The following OTUD7A variants were observed in gnomAD, a reference collection of about 807,000 sequenced individuals.
The protein encoded by OTUD7A is OTU domain-containing protein 7A.
A neutral mutation model predicts 65.7 loss-of-function variants in OTUD7A; 12 were observed. The observed-to-expected ratio is 0.18, with a 90% CI of 0.12 to 0.30. The LOEUF is 0.30. Ranked by LOEUF, OTUD7A falls within the 10% of genes least tolerant of loss-of-function variation. The pLI is 1.00. For missense variants in OTUD7A, 1,148 were observed against 1,304.8 expected, an observed-to-expected ratio of 0.88 and a Z score of 1.85; for synonymous variants, 641 against 586.3, an observed-to-expected ratio of 1.09 and a Z score of -1.35.
intron 3 of OTUD7A, among the ~76,000 whole-genome samples, chr15:31,597,217 T>C (rs1291299653): frequency 3.9e-5 from 6 of 152,190 alleles, no homozygotes; most frequent in Admixed American, 2.0e-4. Context: ...TGTGAGCCAC[T>C]GTACCCAGCC....
In OTUD7A at chr15:31,484,149, G is replaced by A. The variant is rs2041193199; in HGVS notation, c.1947C>T (p.Leu649=). ...ERKFIFAGLL[L]TSHRHQFHEE... ...CGTGGAACTGGTGCCGGTGGCTGGT[G>A]AGCAGCAGGCCGGCGAAGATGAACT... Residue 649 remains leucine, a synonymous_variant, in exon 13 of 13, where the codon CTC becomes CTT. Coordinates refer to ENST00000307050, the MANE Select transcript of OTUD7A (RefSeq NM_001382637.1). The surrounding 1 kb of genome is among the most constrained non-coding windows in gnomAD (Gnocchi z 4.5). The A allele has an allele frequency of 1.9e-6, 3 of 1,610,260 alleles. No homozygotes were observed. Among genetic ancestry groups the A allele is most frequent in the African/African-American group, 1.3e-5 (1 of 74,988 alleles).
chr15:31,844,626 C>T (rs932327711), intron 1 of OTUD7A, among the ~76,000 whole-genome samples: 2 of 152,264 alleles, frequency 1.3e-5, no homozygotes, highest in Non-Finnish European at 2.9e-5. Context: ...TCTCCTGGTT[C>T]CTCATATACA....
intron 5 of OTUD7A, among the ~76,000 whole-genome samples, chr15:31,542,581 T>C (rs761454009): frequency 3.9e-5 from 6 of 151,946 alleles, no homozygotes; most frequent in Non-Finnish European, 8.8e-5. Flanking sequence ...TCAGGCAATA[T>C]TGAATACTGA....
chr15:31,620,999 T>C (rs1423666894), intron 3 of OTUD7A, among the ~76,000 whole-genome samples: 1 of 146,942 alleles, frequency 6.8e-6, no homozygotes, highest in Non-Finnish European at 1.5e-5. Flanking sequence ...AGAACATCTT[T>C]ATTTCTGCCT....
chr15:31,754,571 A>G (rs1894756094), intron 1 of OTUD7A, among the ~76,000 whole-genome samples: 1 of 152,154 alleles, frequency 6.6e-6, no homozygotes, highest in South Asian at 2.1e-4. Context: ...TCATTCTCCT[A>G]CATGTGGCCA....
chr15:31,819,307 T>C (rs1254578903), intron 1 of OTUD7A, among the ~76,000 whole-genome samples: 2 of 152,140 alleles, frequency 1.3e-5, no homozygotes, highest in African/African-American at 4.8e-5. Context: ...TATGACACTT[T>C]TGGGGAAGCC....
At chr15:31,663,246 A>AACACACACAC (rs531313199) in intron 1 of OTUD7A, among the ~76,000 whole-genome samples, 11,138 of 140,444 alleles carry the variant, frequency 0.079, 562 homozygotes, top group East Asian at 0.18. Flanking sequence ...TCTTGGGCTA[A>AACACACACAC]ACACACACAC....
intron 4 of OTUD7A, among the ~76,000 whole-genome samples, chr15:31,560,230 C>T (rs1046526980): frequency 6.6e-6 from 1 of 152,224 alleles, no homozygotes; most frequent in Non-Finnish European, 1.5e-5. Flanking sequence ...ACTAAAGTTA[C>T]GCTGATAAAT....
chr15:31,609,700 C>G (rs1192693275), intron 3 of OTUD7A, among the ~76,000 whole-genome samples: 3 of 152,156 alleles, frequency 2.0e-5, no homozygotes, highest in Non-Finnish European at 2.9e-5. Flanking sequence ...CACTGCTGGT[C>G]CCTCTCCATA....
chr15:31,649,714 A>C, intron 3 of OTUD7A: 1 of 418,150 alleles, frequency 2.4e-6, no homozygotes, highest in Non-Finnish European at 5.0e-6. Context: ...GCAGTGGGTG[A>C]GGTGAGTGAG....
intron 1 of OTUD7A, among the ~76,000 whole-genome samples, chr15:31,674,026 G>A (rs1246622076): frequency 1.3e-5 from 2 of 152,184 alleles, no homozygotes; most frequent in South Asian, 2.1e-4. Context: ...CTGATGGGCA[G>A]ACATGAAAAT....
chr15:31,794,726 C>G (rs75108304), intron 1 of OTUD7A, among the ~76,000 whole-genome samples: 4,225 of 152,174 alleles, frequency 0.028, 216 homozygotes, highest in African/African-American at 0.096. Context: ...AGCCCACCGT[C>G]TGGGGGATGC....
At chr15:31,868,901 G>A (rs1897950315) in intron 1 of OTUD7A, among the ~76,000 whole-genome samples, 1 of 152,136 alleles carries the variant, frequency 6.6e-6, no homozygotes, top group Non-Finnish European at 1.5e-5. Flanking sequence ...TTCCTAACCA[G>A]GTCCCAACTT....
chr15:31,641,718 T>C (rs1451978442), intron 3 of OTUD7A, among the ~76,000 whole-genome samples: 1 of 152,240 alleles, frequency 6.6e-6, no homozygotes, highest in Non-Finnish European at 1.5e-5. Context: ...AATGCAATTA[T>C]TCATTGCAAT....
chr15:31,727,196 A>G (rs575675499), intron 1 of OTUD7A, among the ~76,000 whole-genome samples: 32 of 152,292 alleles, frequency 2.1e-4, no homozygotes, highest in African/African-American at 4.1e-4. Context: ...CCCATACTCC[A>G]AGTGGCTCAT....
intron 1 of OTUD7A, among the ~76,000 whole-genome samples, chr15:31,752,996 G>C (rs903852375): frequency 6.6e-6 from 1 of 152,132 alleles, no homozygotes; most frequent in Non-Finnish European, 1.5e-5. Context: ...AAAACGACTT[G>C]TAGTCAAGGG....
intron 3 of OTUD7A, among the ~76,000 whole-genome samples, chr15:31,571,527 A>C (rs1174812278): frequency 6.6e-6 from 1 of 152,202 alleles, no homozygotes; most frequent in Admixed American, 6.5e-5. Context: ...GATGGTGAAT[A>C]TATCATTTCA....
intron 3 of OTUD7A, among the ~76,000 whole-genome samples, chr15:31,627,867 T>C (rs1345063105): frequency 7.2e-5 from 11 of 152,222 alleles, no homozygotes; most frequent in Admixed American, 6.5e-4. Context: ...TTTCATGTGT[T>C]TTTTGGCTGC....
intron 1 of OTUD7A, among the ~76,000 whole-genome samples, chr15:31,753,701 A>ATT (rs1478826187): frequency 4.9e-5 from 2 of 40,542 alleles, no homozygotes; most frequent in Admixed American, 4.1e-4. Context: ...ATATATATAT[A>ATT]TTATATATAT....
Sources: gnomAD v4.1 joint callset for allele counts (sites outside exome capture counted in the v4.1 genomes callset) on GRCh38, gnomAD v4.1.1 for gene constraint, Gnocchi (gnomAD v3.1) non-coding constraint, MANE v1.5 for transcripts, NCBI Gene and HGNC (gene_info 2026-07-23, HGNC 2026-07-21) for gene names.